DSCAM: variants seen among roughly 807,000 people sequenced by gnomAD.
The protein encoded by DSCAM is DS cell adhesion molecule, also known as cell adhesion molecule DSCAM.
A neutral mutation model predicts 217.7 loss-of-function variants in DSCAM; 47 were observed. The ratio of observed to expected loss-of-function variants is 0.22; its 90% confidence interval spans 0.17 to 0.28. The LOEUF (loss-of-function observed/expected upper bound fraction) is 0.28. Among genes scored for constraint, DSCAM ranks in the 10% least tolerant of loss-of-function variants. The pLI is 1.00. For synonymous variants in DSCAM, 1,056 were observed against 1,015.3 expected (o/e 1.04, Z -0.76); for missense variants, 2,080 against 2,618.3 (o/e 0.79, Z 4.49).
At chr21:40,020,223 C>T (rs983667745) in intron 32 of DSCAM, among the ~76,000 whole-genome samples, 4 of 152,166 alleles carry the variant, frequency 2.6e-5, no homozygotes, top group Non-Finnish European at 5.9e-5. Flanking sequence ...TTGCCTGCCA[C>T]CATATAAGAT....
chr21:40,112,089 C>A (rs1383585995), intron 20 of DSCAM, among the ~76,000 whole-genome samples: 1 of 150,330 alleles, frequency 6.7e-6, no homozygotes, highest in Non-Finnish European at 1.5e-5. Context: ...ACAGAACTCT[C>A]CACCCCAAAT....
At chr21:40,461,541 G>A (rs2145949280) in intron 3 of DSCAM, among the ~76,000 whole-genome samples, 1 of 152,170 alleles carries the variant, frequency 6.6e-6, no homozygotes, top group Middle Eastern at 3.4e-3. Context: ...TCCAGCTCTG[G>A]GGTCTGGGGG....
intron 3 of DSCAM, among the ~76,000 whole-genome samples, chr21:40,680,081 TAA>T (rs1487693801): frequency 1.3e-5 from 2 of 152,216 alleles, no homozygotes; most frequent in Admixed American, 6.5e-5. Context: ...TTACCTATAT[TAA>T]TTCATTTAAT....
intron 15 of DSCAM, among the ~76,000 whole-genome samples, chr21:40,175,276 AT>A (rs1002638127): frequency 4.2e-4 from 64 of 151,302 alleles, no homozygotes; most frequent in African/African-American, 1.5e-3. Flanking sequence ...TGCATGGCTA[AT>A]TTTTTTTTGT....
intron 4 of DSCAM, among the ~76,000 whole-genome samples, chr21:40,358,076 C>T (rs1177043023): frequency 6.6e-6 from 1 of 152,104 alleles, no homozygotes; most frequent in East Asian, 1.9e-4. Flanking sequence ...GGGTGGCTGA[C>T]AATAAACACC....
chr21:40,233,769 A>G (rs1312346545), intron 11 of DSCAM, among the ~76,000 whole-genome samples: 1 of 152,074 alleles, frequency 6.6e-6, no homozygotes, highest in Non-Finnish European at 1.5e-5. Context: ...ACTACACACA[A>G]CTCGGCATTT....
At chr21:40,147,508 T>C (rs1192610830) in intron 16 of DSCAM, among the ~76,000 whole-genome samples, 1 of 152,180 alleles carries the variant, frequency 6.6e-6, no homozygotes, top group East Asian at 1.9e-4. Context: ...AAGAACTACA[T>C]TTCAGTCCTG....
intron 3 of DSCAM, among the ~76,000 whole-genome samples, chr21:40,611,183 C>G (rs925815920): frequency 1.3e-5 from 2 of 151,320 alleles, no homozygotes; most frequent in African/African-American, 4.9e-5. Context: ...CTCAGCCTCC[C>G]GGGTAGCTGG....
intron 27 of DSCAM, among the ~76,000 whole-genome samples, chr21:40,072,148 T>C (rs1414577280): frequency 6.6e-6 from 1 of 152,250 alleles, no homozygotes; most frequent in Admixed American, 6.5e-5. Flanking sequence ...CTGGCTAAAC[T>C]CTTGTGATCA....
intron 20 of DSCAM, among the ~76,000 whole-genome samples, chr21:40,094,913 A>C (rs1223269334): frequency 6.6e-6 from 1 of 152,240 alleles, no homozygotes; most frequent in Non-Finnish European, 1.5e-5. Flanking sequence ...ATATTTCCAC[A>C]AACAAATAGC....
At chr21:40,618,886 A>G in intron 3 of DSCAM, 1 of 152,208 alleles carries the variant, frequency 6.6e-6, no homozygotes, top group Non-Finnish European at 1.5e-5. Flanking sequence ...TGGAAGGGAC[A>G]ACATGGCAGA....
intron 3 of DSCAM, among the ~76,000 whole-genome samples, chr21:40,379,452 C>T (rs999425461): frequency 2.0e-5 from 3 of 152,144 alleles, no homozygotes; most frequent in Non-Finnish European, 4.4e-5. Context: ...TCAAGCTGGT[C>T]GCTACCTGGA....
At chr21:40,046,750 T>G (rs1423824404) in intron 30 of DSCAM, among the ~76,000 whole-genome samples, 2 of 152,064 alleles carry the variant, frequency 1.3e-5, no homozygotes, top group African/African-American at 4.8e-5. Context: ...TCTGAGCAGG[T>G]TTACTTCTGG....
intron 9 of DSCAM, among the ~76,000 whole-genome samples, chr21:40,306,582 T>C (rs2074079646): frequency 6.7e-6 from 1 of 148,492 alleles, no homozygotes; most frequent in Non-Finnish European, 1.5e-5. Context: ...TGTGGGTTTG[T>C]CATAGATAGC....
At chr21:40,791,640 G>A (rs1164306060) in intron 1 of DSCAM, among the ~76,000 whole-genome samples, 1 of 152,160 alleles carries the variant, frequency 6.6e-6, no homozygotes, top group Non-Finnish European at 1.5e-5. Context: ...GCGACAGAGA[G>A]AGACACCGTC....
intron 3 of DSCAM, among the ~76,000 whole-genome samples, chr21:40,419,699 T>A (rs1366571131): frequency 6.6e-6 from 1 of 152,160 alleles, no homozygotes; most frequent in African/African-American, 2.4e-5. Flanking sequence ...CATAACTTAA[T>A]CTCAGCTAAA....
rs936175352 is a variant in DSCAM at position 40,033,523 on chromosome 21, C to T, written c.5686+8848G>A. Among the ~76,000 whole-genome samples the T allele has an allele frequency of 1.6e-4, 24 of 151,258 alleles. 1 individual carries two copies. In the South Asian group the frequency reaches 4.0e-3, roughly 25 times the overall value. On this transcript the variant is annotated intron_variant, in intron 32 of 32. Transcript: ENST00000400454. ...ATCCCGCACCTGGCTTGGAGGGTCC[C>T]ACACCCACTGAGTCTTGCTGATTGC... is the stretch of plus-strand genomic sequence containing the variant.
chr21:40,667,195 C>T (rs951077850), intron 3 of DSCAM, among the ~76,000 whole-genome samples: 4 of 152,114 alleles, frequency 2.6e-5, no homozygotes, highest in African/African-American at 9.7e-5. Flanking sequence ...AAAATAATAT[C>T]TCAGAAAAAA....
chr21:40,188,729 C>G (rs1024330040), intron 12 of DSCAM, among the ~76,000 whole-genome samples: 1 of 151,942 alleles, frequency 6.6e-6, no homozygotes, highest in Admixed American at 6.6e-5. Context: ...AACATGCACA[C>G]AGCATAGGCC....
Sources: gnomAD v4.1 joint callset for allele counts (sites outside exome capture counted in the v4.1 genomes callset) on GRCh38, gnomAD v4.1.1 for gene constraint, MANE v1.5 for transcripts, NCBI Gene and HGNC (gene_info 2026-07-23, HGNC 2026-07-21) for gene names.